Variants in TMEM132C observed in about 807,000 individuals in gnomAD.
TMEM132C encodes transmembrane protein 132C.
Under a neutral mutation model 61.4 loss-of-function variants are expected in TMEM132C, and 29 were observed. The ratio of observed to expected loss-of-function variants is 0.47; its 90% CI spans 0.35 to 0.64. TMEM132C has a LOEUF of 0.64. Ranked by LOEUF, TMEM132C falls within the 30% of genes least tolerant of loss-of-function variation. The pLI is 0.00. For synonymous variants in TMEM132C, 656 were observed against 633.1 expected (o/e 1.04, Z -0.54); for missense variants, 1,408 against 1,476.9 (o/e 0.95, Z 0.76).
chr12:128,537,493 T>C lies in TMEM132C; in HGVS notation c.975-6464T>C, dbSNP rs184393554. 1.0e-3 allele frequency among the ~76,000 whole-genome samples: 152 copies of C among 152,310 alleles called. 4 individuals are homozygous for C. Among genetic ancestry groups the C allele is most frequent in the African/African-American group, 3.5e-3 (145 of 41,568 alleles). On this transcript the variant is annotated intron_variant, in intron 2 of 8. Coordinates refer to ENST00000435159, the MANE Select transcript of TMEM132C (RefSeq NM_001136103.3). ...GCCAAGAGAGGGTCCGTTCCATCTG[T>C]TGGGTAGCTTAGAATTGTATTTTTA... is the stretch of plus-strand genomic sequence containing the variant.
intron 2 of TMEM132C, among the ~76,000 whole-genome samples, chr12:128,486,103 A>G (rs1212741350): frequency 6.6e-6 from 1 of 152,200 alleles, no homozygotes; most frequent in Admixed American, 6.5e-5. Context: ...AGACAGAGCC[A>G]AAGCTTTGTA....
intron 3 of TMEM132C, among the ~76,000 whole-genome samples, chr12:128,582,389 G>A (rs925438640): frequency 6.6e-6 from 1 of 151,060 alleles, no homozygotes; most frequent in Non-Finnish European, 1.5e-5. Context: ...ACTCTGTGTG[G>A]GAGTATACAT....
At chr12:128,550,755 A>G (rs1874146004) in intron 3 of TMEM132C, among the ~76,000 whole-genome samples, 1 of 152,150 alleles carries the variant, frequency 6.6e-6, no homozygotes, top group African/African-American at 2.4e-5. Flanking sequence ...GGAGGGAACA[A>G]TTCAGTCTGT....
chr12:128,418,547 G>T (rs570408082), intron 2 of TMEM132C, among the ~76,000 whole-genome samples: 2 of 152,174 alleles, frequency 1.3e-5, no homozygotes, highest in African/African-American at 2.4e-5. Flanking sequence ...ACAAATTAAC[G>T]TTTTATGTTT....
chr12:128,491,699 C>T (rs1871729431), intron 2 of TMEM132C, among the ~76,000 whole-genome samples: 1 of 152,124 alleles, frequency 6.6e-6, no homozygotes, highest in Admixed American at 6.5e-5. Flanking sequence ...CGGCATTCCT[C>T]TTTGGCTACC....
At chr12:128,480,800 C>T (rs546135267) in intron 2 of TMEM132C, among the ~76,000 whole-genome samples, 6 of 152,282 alleles carry the variant, frequency 3.9e-5, no homozygotes, top group South Asian at 2.1e-4. Context: ...AGCCTTGCTG[C>T]ACTGCTTACA....
In TMEM132C at chr12:128,519,508, T is replaced by A. The variant is rs143902369; in HGVS notation, c.975-24449T>A. Among the ~76,000 whole-genome samples the A allele has an allele frequency of 7.0e-4, 106 of 152,348 alleles. 1 individual carries two copies. Among genetic ancestry groups the A allele is most frequent in the African/African-American group, 2.4e-3 (100 of 41,578 alleles). On this transcript the variant is annotated intron_variant, in intron 2 of 8. Coordinates refer to ENST00000435159, the MANE Select transcript of TMEM132C (RefSeq NM_001136103.3). The stretch of plus-strand genomic sequence containing the variant: ...ATTCATCAAATCTTTACAAGGCATG[T>A]GTCCAGGCTAAAGGAAAAAATGGCC...
intron 5 of TMEM132C, among the ~76,000 whole-genome samples, chr12:128,679,765 T>C (rs930950874): frequency 6.6e-6 from 1 of 152,242 alleles, no homozygotes; most frequent in Admixed American, 6.5e-5. Flanking sequence ...TTATCTGTAA[T>C]AGCAGAGATA....
At chr12:128,688,502 C>A (rs536929473) in intron 5 of TMEM132C, among the ~76,000 whole-genome samples, 1 of 152,024 alleles carries the variant, frequency 6.6e-6, no homozygotes, top group East Asian at 1.9e-4. Context: ...ATAGACGGCA[C>A]AAATAATATG....
intron 4 of TMEM132C, among the ~76,000 whole-genome samples, chr12:128,653,138 C>G (rs1174168715): frequency 6.6e-6 from 1 of 152,116 alleles, no homozygotes; most frequent in Non-Finnish European, 1.5e-5. Flanking sequence ...CGTGGACGAA[C>G]CTTGAAAATA....
chr12:128,636,560 T>TGTG (rs1565998382), intron 4 of TMEM132C, among the ~76,000 whole-genome samples: 5 of 100,680 alleles, frequency 5.0e-5, no homozygotes, highest in African/African-American at 2.4e-4. Flanking sequence ...TTTTGGGTTT[T>TGTG]TGTTTGTGTG....
At position 128,438,692 on chromosome 12, in the gene TMEM132C, A is replaced by C. The variant is rs558728670; in HGVS notation, c.974+23072A>C. On this transcript the variant is annotated intron_variant, in intron 2 of 8. Transcript: ENST00000435159. The stretch of plus-strand genomic sequence containing the variant: ...ACATTCACGATTTTGTGTGATCACC[A>C]TTTCTACCTAGTCCCAAAGCATTTT... 1.1e-4 allele frequency: 16 copies of C among 152,290 alleles called. No individual in the cohort carries two copies. In the East Asian group the frequency reaches 3.1e-3, roughly 29 times the overall value. 9.4% of individuals were successfully genotyped at this position (152,290 alleles called of 1,614,324 possible).
intron 2 of TMEM132C, among the ~76,000 whole-genome samples, chr12:128,539,195 A>G (rs1042645117): frequency 2.0e-5 from 3 of 152,174 alleles, no homozygotes; most frequent in African/African-American, 7.2e-5. Flanking sequence ...GATTCTTTCC[A>G]CGTCACTTGT....
intron 3 of TMEM132C, among the ~76,000 whole-genome samples, chr12:128,590,277 C>G (rs980630480): frequency 5.3e-5 from 8 of 152,242 alleles, no homozygotes; most frequent in Admixed American, 4.6e-4. Flanking sequence ...GAGCTTACTA[C>G]TGCCTGTTAT....
chr12:128,373,203 A>ACAG (rs1874082176), intron 1 of TMEM132C, among the ~76,000 whole-genome samples: 1 of 152,094 alleles, frequency 6.6e-6, no homozygotes, highest in Non-Finnish European at 1.5e-5. Context: ...TCCTCTTCCC[A>ACAG]CAGGATCAAA....
intron 2 of TMEM132C, among the ~76,000 whole-genome samples, chr12:128,449,391 A>T (rs1008248989): frequency 6.6e-6 from 1 of 152,054 alleles, no homozygotes; most frequent in Non-Finnish European, 1.5e-5. Context: ...TACAGTGTCT[A>T]CTATAGTATT....
intron 3 of TMEM132C, among the ~76,000 whole-genome samples, chr12:128,594,261 G>A (rs973266083): frequency 3.3e-5 from 5 of 151,992 alleles, no homozygotes; most frequent in African/African-American, 7.2e-5. Context: ...TTATGAGTCC[G>A]TGACAGCTGA....
chr12:128,544,196 C>G, intron 3 of TMEM132C, 93 bp downstream of exon 3: 2 of 1,419,062 alleles, frequency 1.4e-6, no homozygotes, highest in Non-Finnish European at 1.8e-6. Context: ...CTCGCGTGAG[C>G]GGCTGCTCAG....
intron 3 of TMEM132C, among the ~76,000 whole-genome samples, chr12:128,613,942 T>G (rs1482911361): frequency 6.6e-6 from 1 of 152,240 alleles, no homozygotes; most frequent in Non-Finnish European, 1.5e-5. Flanking sequence ...GAAAATCTCC[T>G]TTAATTCATC....
Sources: allele counts gnomAD v4.1 joint callset (sites outside exome capture counted in the v4.1 genomes callset), GRCh38; gene constraint gnomAD v4.1.1; transcripts MANE v1.5; gene names NCBI Gene and HGNC (gene_info 2026-07-23, HGNC 2026-07-21).